The following DACH1 variants were observed in gnomAD, a reference collection of about 807,000 sequenced individuals.
DACH1 encodes the protein dachshund homolog 1.
In DACH1, 12 loss-of-function variants were observed where a neutral mutation model predicts 54.2. That is an observed-to-expected ratio of 0.22 (90% confidence interval 0.14 to 0.36). The LOEUF is 0.36. Among genes scored for constraint, DACH1 ranks in the 10% least tolerant of loss-of-function variants. The pLI is 1.00. For synonymous variants in DACH1, 386 were observed against 366.2 expected, an observed-to-expected ratio of 1.05 and a Z score of -0.62; for missense variants, 805 against 929.8, an observed-to-expected ratio of 0.87 and a Z score of 1.75.
chr13:71,565,993 G>A (rs1158531457), intron 4 of DACH1, among the ~76,000 whole-genome samples: 3 of 152,206 alleles, frequency 2.0e-5, no homozygotes, highest in East Asian at 3.9e-4. Flanking sequence ...TAAAAGGTAG[G>A]ACTTCTTTCT....
intron 1 of DACH1, among the ~76,000 whole-genome samples, chr13:71,705,440 C>T (rs928440660): frequency 2.6e-5 from 4 of 152,098 alleles, no homozygotes; most frequent in African/African-American, 9.7e-5. Context: ...TGAGCACTTG[C>T]TTATAAGTAG....
chr13:71,595,177 A>G lies in DACH1; in HGVS notation c.1127-22165T>C, dbSNP rs144813674. Among the ~76,000 whole-genome samples the G allele has an allele frequency of 5.3e-3, 812 of 152,268 alleles. 3 individuals carry two copies. The highest frequency in any genetic ancestry group is 9.6e-3 in the Non-Finnish European group (651 of 68,010). On this transcript the variant is annotated intron_variant, in intron 3 of 10. Transcript: ENST00000613252. ...CTGGACAATGCATAGACTCTAAGGC[A>G]GATGCATTCCTGGGATATTAGAGCA...
chr13:71,618,018 A>G (rs1170884389), intron 3 of DACH1, among the ~76,000 whole-genome samples: 3 of 152,182 alleles, frequency 2.0e-5, no homozygotes, highest in Non-Finnish European at 4.4e-5. Context: ...TTTCACACCT[A>G]CAGTCAACCG....
chr13:71,798,323 C>CATACAT (rs1292029760), intron 1 of DACH1, among the ~76,000 whole-genome samples: 47 of 96,488 alleles, frequency 4.9e-4, no homozygotes, highest in African/African-American at 1.5e-3. Context: ...TTGTTACATA[C>CATACAT]ATATATATAT....
chr13:71,466,619 G>C (rs1422589722), intron 10 of DACH1, among the ~76,000 whole-genome samples: 2 of 152,096 alleles, frequency 1.3e-5, no homozygotes, highest in African/African-American at 4.8e-5. Flanking sequence ...GAGGCAAGTG[G>C]ATCGCTTGAG....
chr13:71,743,207 C>T (rs551127850), intron 1 of DACH1, among the ~76,000 whole-genome samples: 11 of 152,192 alleles, frequency 7.2e-5, no homozygotes, highest in African/African-American at 2.6e-4. Flanking sequence ...AAGGACAGAT[C>T]ACTAAAGGGA....
intron 1 of DACH1, among the ~76,000 whole-genome samples, chr13:71,839,188 G>T (rs1888918931): frequency 1.3e-5 from 2 of 152,214 alleles, no homozygotes; most frequent in East Asian, 3.9e-4. Flanking sequence ...AAGTTAATAT[G>T]TGGTTTTCAA....
At chr13:71,544,768 G>A (rs1489522039) in intron 6 of DACH1, among the ~76,000 whole-genome samples, 1 of 152,026 alleles carries the variant, frequency 6.6e-6, no homozygotes, top group African/African-American at 2.4e-5. Context: ...CATATTCATG[G>A]AACTTGCAAC....
intron 3 of DACH1, among the ~76,000 whole-genome samples, chr13:71,610,550 A>G (rs542905265): frequency 6.6e-6 from 1 of 152,336 alleles, no homozygotes; most frequent in African/African-American, 2.4e-5. Context: ...ACAGAGACAT[A>G]CATATGCACA....
At chr13:71,446,909 G>A (rs1448951592) in intron 10 of DACH1, among the ~76,000 whole-genome samples, 1 of 152,180 alleles carries the variant, frequency 6.6e-6, no homozygotes, top group Non-Finnish European at 1.5e-5. Context: ...TGATATGACA[G>A]AAAAGTCATC....
intron 6 of DACH1, among the ~76,000 whole-genome samples, chr13:71,491,617 G>A (rs1878987896): frequency 6.6e-6 from 1 of 151,902 alleles, no homozygotes; most frequent in African/African-American, 2.4e-5. Context: ...TTTAAGAAGC[G>A]AAAAAATGAT....
chr13:71,769,015 T>C (rs367843529), intron 1 of DACH1, among the ~76,000 whole-genome samples: 1 of 151,836 alleles, frequency 6.6e-6, no homozygotes, highest in Non-Finnish European at 1.5e-5. Flanking sequence ...AACCTGTGCA[T>C]TAAACATAGC....
intron 2 of DACH1, among the ~76,000 whole-genome samples, chr13:71,651,656 A>ATGTATCTGTATCTGTATC (rs57754864): frequency 1.4e-5 from 2 of 146,956 alleles, no homozygotes; most frequent in East Asian, 4.1e-4. Flanking sequence ...ATGCATGTAT[A>ATGTATCTGTATCTGTATC]TGTATCTGTA....
intron 6 of DACH1, among the ~76,000 whole-genome samples, chr13:71,530,359 C>T (rs1882330694): frequency 6.6e-6 from 1 of 152,088 alleles, no homozygotes; most frequent in South Asian, 2.1e-4. Context: ...AGTTTACTAA[C>T]TCACATGGTA....
chr13:71,846,210 C>A (rs1873245178), intron 1 of DACH1: 2 of 238,094 alleles, frequency 8.4e-6, no homozygotes, highest in African/African-American at 2.3e-5. Flanking sequence ...AAGGTTCACT[C>A]CGGCGCACGG....
At chr13:71,768,564 C>G (rs1406583208) in intron 1 of DACH1, among the ~76,000 whole-genome samples, 1 of 151,890 alleles carries the variant, frequency 6.6e-6, no homozygotes, top group East Asian at 1.9e-4. Flanking sequence ...AAAAGTGTTG[C>G]AGTTACAGTT....
intron 2 of DACH1, among the ~76,000 whole-genome samples, chr13:71,643,629 T>G (rs1026804912): frequency 2.0e-5 from 3 of 152,218 alleles, no homozygotes; most frequent in African/African-American, 7.2e-5. Context: ...AGTATTATCT[T>G]ACGCTATGAG....
intron 1 of DACH1, among the ~76,000 whole-genome samples, chr13:71,766,122 G>T (rs1407108280): frequency 6.6e-6 from 1 of 151,990 alleles, no homozygotes; most frequent in Non-Finnish European, 1.5e-5. Context: ...TCCTGACCTC[G>T]TGATCCGTCC....
chr13:71,861,907 CA>C (rs71126514), intron 1 of DACH1, among the ~76,000 whole-genome samples: 18,486 of 86,402 alleles, frequency 0.21, 939 homozygotes, highest in Admixed American at 0.34. Flanking sequence ...AACTCCTAAC[CA>C]AAAAAAAAAA....
Sources: allele counts gnomAD v4.1 joint callset (sites outside exome capture counted in the v4.1 genomes callset), GRCh38; gene constraint gnomAD v4.1.1; transcripts MANE v1.5; gene names NCBI Gene and HGNC (gene_info 2026-07-23, HGNC 2026-07-21).